The following ZNF668 variants were observed in gnomAD, a reference collection of about 807,000 sequenced individuals.
ZNF668 encodes the protein zinc finger protein 668.
In ZNF668, 10 loss-of-function variants were observed where a neutral mutation model predicts 40.3. The ratio of observed to expected loss-of-function variants is 0.25; its 90% CI spans 0.15 to 0.42. The LOEUF (loss-of-function observed/expected upper bound fraction) is 0.42. ZNF668 is among the 10% of genes least tolerant of loss of function. The probability of loss-of-function intolerance (pLI) is 1.00; values close to 1 mark genes in which losing one functional copy is unlikely to be tolerated. For synonymous variants in ZNF668, 428 were observed against 384.6 expected, an observed-to-expected ratio of 1.11 and a Z score of -1.32; for missense variants, 749 against 904.6, an observed-to-expected ratio of 0.83 and a Z score of 2.21.
intron 2 of ZNF668, 105 bp downstream of exon 2, chr16:31,063,704 ACCTT>A: frequency 7.9e-7 from 1 of 1,261,912 alleles, no homozygotes; most frequent in Admixed American, 2.9e-5. Context: ...TGCCATGCCC[ACCTT>A]CCCATTGGCT....
intron 1 of ZNF668, among the ~76,000 whole-genome samples, chr16:31,069,770 A>ATTT (rs57798819): frequency 7.1e-5 from 6 of 84,526 alleles, no homozygotes; most frequent in African/African-American, 9.8e-5. Context: ...ACGCCCGGCT[A>ATTT]TTTTTTTTTT....
Position 31,062,271 on chromosome 16 carries a change from G to A in ZNF668, c.657C>T (p.Thr219=), listed in dbSNP as rs918271597. The change falls in exon 3 of 3, where the codon ACC becomes ACT. Residue 219 remains threonine (T), a synonymous_variant. Transcript: ENST00000300849. The part of the protein sequence containing the change: ...KDLRNHERSH[T]GERPFLCSEC... Reference sequence around the variant, plus strand: ...CGGAGCAGAGGAAGGGGCGCTCGCCGGTGTGGGACCTGCGGGGGTGTGGAG... The same window carrying A: ...CGGAGCAGAGGAAGGGGCGCTCGCCAGTGTGGGACCTGCGGGGGTGTGGAG... The A allele has an allele frequency of 6.9e-6, 11 of 1,601,422 alleles. No homozygotes were observed. Among genetic ancestry groups the A allele is most frequent in the African/African-American group, 4.0e-5 (3 of 74,900 alleles).
chr16:31,070,333 G>C (rs1166043991), intron 1 of ZNF668, among the ~76,000 whole-genome samples: 1 of 150,648 alleles, frequency 6.6e-6, no homozygotes, highest in African/African-American at 2.4e-5. Context: ...TCAGCTTCCC[G>C]AGTAGCTGGA....
intron 1 of ZNF668, chr16:31,064,839 G>A: frequency 1.4e-6 from 2 of 1,444,628 alleles, no homozygotes; most frequent in Non-Finnish European, 1.8e-6. Flanking sequence ...AACTATGCCA[G>A]GATAAAGAGT....
At chr16:31,067,550 C>T (rs4889531) in intron 1 of ZNF668, among the ~76,000 whole-genome samples, 150,130 of 152,332 alleles carry the variant, frequency 0.99, 74,027 homozygotes, top group Middle Eastern at 1. Context: ...GAGATAATGA[C>T]AGTACTTACC....
chr16:31,063,842 C>A lies in ZNF668; in HGVS notation c.618G>T (p.Ala206=). The part of the protein sequence containing the change: ...YSCERCGKAY[A]ELKDLRNHER... Reference sequence around the variant, plus strand: ...CATGGTTGCGGAGGTCCTTGAGCTCCGCATAGGCTTTGCCGCAACGCTCAC... The same window carrying A: ...CATGGTTGCGGAGGTCCTTGAGCTCAGCATAGGCTTTGCCGCAACGCTCAC... Residue 206 remains alanine, a synonymous_variant, in exon 2 of 3, where the codon GCG becomes GCT. Coordinates refer to ENST00000300849, the MANE Select transcript of ZNF668 (RefSeq NM_024706.5). 6.3e-7 allele frequency: 1 copy of A among 1,588,302 alleles called. No individual in the cohort carries two copies. The highest frequency in any genetic ancestry group is 2.3e-5 in the East Asian group (1 of 43,584).
chr16:31,072,213 G>A (rs183160998), intron 1 of ZNF668, among the ~76,000 whole-genome samples: 192 of 152,246 alleles, frequency 1.3e-3, no homozygotes, highest in Admixed American at 3.5e-3. Flanking sequence ...GGCTGGCAAA[G>A]GGCTAGGAAA....
Position 31,062,524 on chromosome 16 carries a change from T to A in ZNF668, c.648-244A>T, listed in dbSNP as rs1210978426. The A allele has an allele frequency of 4.0e-5, 20 of 496,458 alleles. 2 individuals are homozygous for A. The East Asian group carries it at 6.4e-4, about 16-fold the overall frequency. The allele number at this position is 496,458 out of a possible 1,614,324, so 30.8% of individuals were successfully genotyped here. A position where few individuals can be genotyped will look rare whatever the true frequency, so the allele number is the denominator to read the frequency against. ...GGCCGGGCGCGGTGGCTCACGCCTG[T>A]AATTCCAGCACTTTGGGAGGCCGAG... On this transcript the variant is annotated intron_variant, in intron 2 of 2. Coordinates refer to ENST00000300849, the MANE Select transcript of ZNF668 (RefSeq NM_024706.5).
In ZNF668 at chr16:31,073,730, A is replaced by C. The variant is rs771238945; in HGVS notation, c.-94T>G. 3 of 152,190 alleles carry C rather than the reference A, an allele frequency of 2.0e-5. No homozygotes were observed. The highest frequency in any genetic ancestry group is 2.9e-5 in the Non-Finnish European group (2 of 68,044). 9.4% of individuals were successfully genotyped at this position (152,190 alleles called of 1,614,324 possible). ...CACCGACGGAGCCCGGACCCTGCCA[A>C]ACAGGGGCCGGCGCTAGGACCCAGC... On this transcript the variant is annotated 5_prime_UTR_variant, in exon 1 of 3. Coordinates refer to ENST00000300849, the MANE Select transcript of ZNF668 (RefSeq NM_024706.5).
chr16:31,063,876 G>A lies in ZNF668; in HGVS notation c.584C>T (p.Pro195Leu). Residue 195 changes from proline to leucine, a missense_variant, in exon 2 of 3, where the codon CCC (proline) becomes CTC (leucine). Around this residue, in one of 4 missense-constraint regions of ZNF668, gnomAD observed 151 missense variants for 178.6 expected, o/e 0.85. Coordinates refer to ENST00000300849, the MANE Select transcript of ZNF668 (RefSeq NM_024706.5). ...TTTGCCGCAACGCTCACAGCTGTAG[G>A]GCCGCAGGCCAGCGTGAGTACGCCG... ...KHRRTHAGLR[P>L]YSCERCGKAY... The A allele has an allele frequency of 6.3e-7, 1 of 1,595,128 alleles. No homozygotes were observed. The highest frequency in any genetic ancestry group is 8.5e-7 in the Non-Finnish European group (1 of 1,171,134).
chr16:31,062,415 T>C (rs1427924771), intron 2 of ZNF668, 135 bp from the exon 3 acceptor site: 79 of 1,276,794 alleles, frequency 6.2e-5, no homozygotes, highest in Non-Finnish European at 7.7e-5. Context: ...GCCACATGGC[T>C]GCACCCCAGA....
In ZNF668 at chr16:31,064,398, C is replaced by A; in HGVS notation, c.62G>T (p.Arg21Leu). The change falls in exon 2 of 3, where the codon CGC becomes CTC. Residue 21 changes from arginine to leucine, a missense_variant. By Grantham distance (102) the Arg-to-Leu change is moderately radical. This residue lies in a region of ZNF668 where 159 missense variants were observed against 139.8 expected (regional missense o/e 1.14). Coordinates refer to ENST00000300849, the MANE Select transcript of ZNF668 (RefSeq NM_024706.5). ...PAPGYKRSGR[R>L]YKCLSCTKTF... The stretch of plus-strand genomic sequence containing the variant: ...CTTGGTACAGGACAGGCACTTGTAG[C>A]GGCGGCCCGAGCGCTTGTAGCCGGG... The A allele has an allele frequency of 6.2e-7, 1 of 1,613,542 alleles. No homozygotes were observed. The highest frequency in any genetic ancestry group is 1.3e-5 in the African/African-American group (1 of 75,068).
At position 31,061,124 on chromosome 16, in the gene ZNF668, TG is replaced by T; in HGVS notation, c.1803del (p.Thr602HisfsTer10). ...AAAGCCACCAGGGGCTCCAGGGGTG[TG>T]GGGGTCCCCATGGGCACAGGGTGGG... is the stretch of plus-strand genomic sequence containing the variant. ...ERTHPVPMGT[P>X]TPLEPLVALL... On this transcript the variant is annotated frameshift_variant, in exon 3 of 3. Transcript: ENST00000300849. LOFTEE classifies it high-confidence loss of function. The surrounding 1 kb of genome is among the most constrained non-coding windows in gnomAD (Gnocchi z 7.7). 1.3e-6 allele frequency: 2 copies of T among 1,510,134 alleles called. No individual in the cohort carries two copies. Among genetic ancestry groups the T allele is most frequent in the Non-Finnish European group, 1.8e-6 (2 of 1,131,500 alleles). The allele number at this position is 1,510,134 out of a possible 1,614,324, so 93.5% of individuals were successfully genotyped here. A position where few individuals can be genotyped will look rare whatever the true frequency, so the allele number is the denominator to read the frequency against.
In ZNF668 at chr16:31,061,024, TG is replaced by T. The variant is rs374666498; in HGVS notation, c.*43del. ...AAAAGGAGGTACAGGAAGCCCCCGA[TG>T]GGGGCTGGGCTCCCGGAGTGTGGTG... On this transcript the variant is annotated 3_prime_UTR_variant, in exon 3 of 3. Transcript: ENST00000300849. This position sits in a 1 kb window ranked among gnomAD's most constrained non-coding sequence, Gnocchi z 7.7. The T allele has an allele frequency of 1.2e-3, 1,663 of 1,425,010 alleles. 21 individuals are homozygous for T. Among genetic ancestry groups the T allele is most frequent in the Middle Eastern group, 0.011 (52 of 4,628 alleles). 88.3% of individuals were successfully genotyped at this position (1,425,010 alleles called of 1,614,324 possible).
chr16:31,066,447 C>T (rs914105429), intron 1 of ZNF668: 3 of 879,770 alleles, frequency 3.4e-6, no homozygotes, highest in African/African-American at 3.6e-5. Context: ...GTCCCAGCTA[C>T]GTGGGAGGCT....
intron 2 of ZNF668, among the ~76,000 whole-genome samples, chr16:31,063,265 C>G (rs1398984148): frequency 6.6e-6 from 1 of 151,998 alleles, no homozygotes; most frequent in East Asian, 1.9e-4. Context: ...CCCAAGTACC[C>G]GGGACTAGAA....
In ZNF668 at chr16:31,064,302, A is replaced by C. The variant is rs1449515200; in HGVS notation, c.158T>G (p.Val53Gly). 1.9e-6 allele frequency: 3 copies of C among 1,613,748 alleles called. No individual in the cohort carries two copies. The highest frequency in any genetic ancestry group is 2.5e-6 in the Non-Finnish European group (3 of 1,179,986). Residue 53 changes from valine to glycine, a missense_variant, in exon 2 of 3, where the codon GTG becomes GGG. By Grantham distance (109) the Val-to-Gly change is moderately radical. This residue lies in a region of ZNF668 where 159 missense variants were observed against 139.8 expected (regional missense o/e 1.14). Coordinates refer to ENST00000300849, the MANE Select transcript of ZNF668 (RefSeq NM_024706.5). ...CTCTGGCTTTGGCTTCACCTCGGCCACCTCTTCAGAGCAGTCTGCCGGCCC... is the reference window on the plus strand; with the variant it reads ...CTCTGGCTTTGGCTTCACCTCGGCCCCCTCTTCAGAGCAGTCTGCCGGCCC... ...THGPADCSEE[V>G]AEVKPKPETE...
At chr16:31,065,050 T>G in intron 1 of ZNF668, 1 of 1,080,752 alleles carries the variant, frequency 9.3e-7, no homozygotes, top group Non-Finnish European at 1.1e-6. Flanking sequence ...AATTCTGGCC[T>G]TGCACAGCTG....
chr16:31,067,196 G>C (rs1212784521), intron 1 of ZNF668, among the ~76,000 whole-genome samples: 3 of 152,120 alleles, frequency 2.0e-5, no homozygotes, highest in Non-Finnish European at 4.4e-5. Flanking sequence ...CTCCAGCCTG[G>C]CAACAGAGTG....
Sources: allele counts gnomAD v4.1 joint callset (sites outside exome capture counted in the v4.1 genomes callset), GRCh38; gene constraint gnomAD v4.1.1; regional missense constraint gnomAD v4.1.1; non-coding constraint Gnocchi (gnomAD v3.1); transcripts MANE v1.5; gene names NCBI Gene and HGNC (gene_info 2026-07-23, HGNC 2026-07-21).